FRMD5: variants seen among roughly 807,000 people sequenced by gnomAD.
FRMD5 encodes the protein FERM domain-containing protein 5.
In FRMD5, 20 loss-of-function variants were observed where a neutral mutation model predicts 69.0. The observed-to-expected ratio is 0.29, with a 90% CI of 0.20 to 0.42. FRMD5 has a LOEUF of 0.42. Among genes scored for constraint, FRMD5 ranks in the 10% least tolerant of loss-of-function variants. FRMD5 has a pLI of 1.00. For synonymous variants in FRMD5, 271 were observed against 260.1 expected, an observed-to-expected ratio of 1.04 and a Z score of -0.40; for missense variants, 595 against 708.6, an observed-to-expected ratio of 0.84 and a Z score of 1.82.
rs375230009 is a variant in FRMD5, at chr15:44,100,047, C to CTTTTT, written c.102+94901_102+94905dup. ...ACTGTATCTAATAGCTTCTTCTTCT[C>CTTTTT]TTTTTTTTTTTTTTTTTTTTTAAGA... On this transcript the variant is annotated intron_variant, in intron 1 of 13. Transcript: ENST00000417257. Among the ~76,000 whole-genome samples the CTTTTT allele has an allele frequency of 1.0e-4, 13 of 129,258 alleles. No homozygotes were observed. In the South Asian group the frequency reaches 3.3e-3, roughly 32 times the overall value. The allele number at this position is 129,258 out of a possible 152,430, so 84.8% of individuals were successfully genotyped here. A position where few individuals can be genotyped will look rare whatever the true frequency, so the allele number is the denominator to read the frequency against.
chr15:43,883,466 C>A (rs1015541120), intron 13 of FRMD5, among the ~76,000 whole-genome samples: 2 of 152,082 alleles, frequency 1.3e-5, no homozygotes, highest in Non-Finnish European at 2.9e-5. Context: ...TATGCAAGTC[C>A]CCCAAAGGGC....
intron 12 of FRMD5, among the ~76,000 whole-genome samples, 184 bp downstream of exon 12, chr15:43,884,543 C>G (rs568546955): frequency 3.3e-5 from 5 of 152,198 alleles, no homozygotes; most frequent in Non-Finnish European, 5.9e-5. Context: ...TCCTCCCTCC[C>G]CAGCTCTCTT....
intron 1 of FRMD5, among the ~76,000 whole-genome samples, chr15:44,101,957 T>C (rs749352243): frequency 7.2e-5 from 11 of 152,218 alleles, no homozygotes; most frequent in Non-Finnish European, 1.3e-4. Flanking sequence ...GCTTAAGGTA[T>C]TGCAGGGTTG....
intron 1 of FRMD5, among the ~76,000 whole-genome samples, chr15:44,056,815 C>G (rs1892887375): frequency 6.6e-6 from 1 of 152,138 alleles, no homozygotes; most frequent in East Asian, 1.9e-4. Context: ...CCCTTAAACA[C>G]CTCCTCAGTT....
chr15:44,003,319 C>A (rs773599289), intron 1 of FRMD5, among the ~76,000 whole-genome samples: 16 of 152,198 alleles, frequency 1.1e-4, no homozygotes, highest in Non-Finnish European at 1.8e-4. Flanking sequence ...TCTACCCTTG[C>A]CCCTTAATCA....
intron 1 of FRMD5, among the ~76,000 whole-genome samples, chr15:44,068,958 C>T (rs1322470058): frequency 6.6e-6 from 1 of 152,090 alleles, no homozygotes; most frequent in Non-Finnish European, 1.5e-5. Context: ...ATCTATAAAG[C>T]CCAGGCTCTT....
intron 13 of FRMD5, among the ~76,000 whole-genome samples, chr15:43,875,363 A>AATATATATATATAT (rs749584177): frequency 9.5e-6 from 1 of 105,348 alleles, no homozygotes; most frequent in Admixed American, 1.2e-4. Flanking sequence ...AAAAAAAAAA[A>AATATATATATATAT]ATATATATAT....
chr15:44,064,081 C>A, intron 1 of FRMD5: 1 of 205,272 alleles, frequency 4.9e-6, no homozygotes, highest in South Asian at 8.0e-5. Flanking sequence ...TGTGGATGGC[C>A]CCTCTGGGAA....
chr15:44,129,472 C>T (rs2077068785), intron 1 of FRMD5, among the ~76,000 whole-genome samples: 1 of 152,138 alleles, frequency 6.6e-6, no homozygotes, highest in South Asian at 2.1e-4. Context: ...GGAGTGATGG[C>T]AATTCCTCTG....
chr15:43,911,712 C>G (rs1439772248), intron 4 of FRMD5, among the ~76,000 whole-genome samples: 2 of 152,166 alleles, frequency 1.3e-5, no homozygotes, highest in African/African-American at 4.8e-5. Flanking sequence ...TAGTAAAATT[C>G]CTTTAAATTC....
intron 1 of FRMD5, among the ~76,000 whole-genome samples, chr15:44,093,851 C>T (rs1379237611): frequency 2.0e-5 from 3 of 151,982 alleles, no homozygotes; most frequent in Non-Finnish European, 2.9e-5. Flanking sequence ...GGATTACAGG[C>T]GTGATCCACC....
chr15:44,193,686 G>C (rs538453573), intron 1 of FRMD5, among the ~76,000 whole-genome samples: 24 of 152,206 alleles, frequency 1.6e-4, no homozygotes, highest in Non-Finnish European at 3.2e-4. Flanking sequence ...AGCTGGTTTC[G>C]AGGGGAGGGA....
intron 1 of FRMD5, among the ~76,000 whole-genome samples, chr15:44,016,642 G>C (rs540318790): frequency 7.5e-4 from 114 of 152,132 alleles, no homozygotes; most frequent in Middle Eastern, 6.8e-3. Flanking sequence ...AGAATTGCTT[G>C]AACCCGGGAG....
At chr15:43,964,887 G>A (rs1299103541) in intron 1 of FRMD5, among the ~76,000 whole-genome samples, 4 of 152,124 alleles carry the variant, frequency 2.6e-5, no homozygotes, top group East Asian at 1.9e-4. Context: ...CAGAAGACTC[G>A]GAGTTGGCAA....
intron 1 of FRMD5, among the ~76,000 whole-genome samples, chr15:44,112,472 T>A (rs2076810730): frequency 6.6e-6 from 1 of 150,872 alleles, no homozygotes; most frequent in Admixed American, 6.6e-5. Flanking sequence ...TTCACTGATT[T>A]TTTTTTTTTT....
upstream of FRMD5, among the ~76,000 whole-genome samples, chr15:44,197,803 G>A (rs779130929): frequency 6.6e-6 from 1 of 152,122 alleles, no homozygotes; most frequent in Non-Finnish European, 1.5e-5. Flanking sequence ...CAAGCTAGAG[G>A]AAGTCCATAA....
At chr15:43,965,921 G>T (rs1452146146) in intron 1 of FRMD5, among the ~76,000 whole-genome samples, 1 of 152,072 alleles carries the variant, frequency 6.6e-6, no homozygotes, top group Non-Finnish European at 1.5e-5. Context: ...ACATATGAGG[G>T]TAGTATTAAT....
rs2088228448 is a variant in FRMD5, at chr15:43,873,710, T to C, written c.*175A>G. On this transcript the variant is annotated 3_prime_UTR_variant, in exon 14 of 14. Coordinates refer to ENST00000417257, the MANE Select transcript of FRMD5 (RefSeq NM_032892.5). Reference sequence around the variant, plus strand: ...TTTCCCAGTTTGTTTAGACAGGGCATGAGCCTATCCCTTTCTTCTTCTGGG... The same window carrying C: ...TTTCCCAGTTTGTTTAGACAGGGCACGAGCCTATCCCTTTCTTCTTCTGGG... The C allele has an allele frequency of 6.6e-7, 1 of 1,514,980 alleles. No individual in the cohort carries two copies. The highest frequency in any genetic ancestry group is 8.8e-7 in the Non-Finnish European group (1 of 1,140,188). The allele number at this position is 1,514,980 out of a possible 1,614,324, so 93.8% of individuals were successfully genotyped here.
chr15:44,084,360 A>T (rs2140457269), intron 1 of FRMD5, among the ~76,000 whole-genome samples: 1 of 152,176 alleles, frequency 6.6e-6, no homozygotes, highest in East Asian at 1.9e-4. Flanking sequence ...AACCCATGGG[A>T]TGCCTGAATC....
Sources: gnomAD v4.1 joint callset for allele counts (sites outside exome capture counted in the v4.1 genomes callset) on GRCh38, gnomAD v4.1.1 for gene constraint, MANE v1.5 for transcripts, NCBI Gene and HGNC (gene_info 2026-07-23, HGNC 2026-07-21) for gene names.